C10orf90: variants seen among roughly 807,000 people sequenced by gnomAD.
C10orf90 encodes chromosome 10 open reading frame 90, also known as (E2-independent) E3 ubiquitin-conjugating enzyme FATS.
Under a neutral mutation model 62.5 loss-of-function variants are expected in C10orf90, and 56 were observed. The observed-to-expected ratio is 0.90, with a 90% confidence interval of 0.72 to 1.12. The LOEUF is 1.12. C10orf90 is among the 50% of genes most tolerant of loss of function. The probability of loss-of-function intolerance (pLI) is 0.00; values close to 1 mark genes in which losing one functional copy is unlikely to be tolerated. For synonymous variants in C10orf90, 386 were observed against 340.4 expected (o/e 1.13, Z -1.47); for missense variants, 970 against 880.4 (o/e 1.10, Z -1.29).
chr10:126,593,259 C>T (rs1163018568), intron 2 of C10orf90, among the ~76,000 whole-genome samples: 2 of 152,094 alleles, frequency 1.3e-5, no homozygotes, highest in Non-Finnish European at 2.9e-5. Flanking sequence ...CGGCACTATC[C>T]ACAATAGCAA....
At chr10:126,581,834 TCAGA>T in intron 2 of C10orf90, among the ~76,000 whole-genome samples, 1 of 152,148 alleles carries the variant, frequency 6.6e-6, no homozygotes, top group East Asian at 1.9e-4. Context: ...ATGCCACCAG[TCAGA>T]CAGGCGCCTG....
At chr10:126,451,349 A>G (rs1355743774) in intron 7 of C10orf90, among the ~76,000 whole-genome samples, 1 of 152,182 alleles carries the variant, frequency 6.6e-6, no homozygotes, top group African/African-American at 2.4e-5. Context: ...AAAAGAAATC[A>G]GTATGTTGAC....
At chr10:126,668,339 G>A (rs1157108172) in intron 1 of C10orf90, among the ~76,000 whole-genome samples, 2 of 152,162 alleles carry the variant, frequency 1.3e-5, no homozygotes, top group Admixed American at 6.5e-5. Flanking sequence ...AAAGCCCAGG[G>A]CAGGTTAACC....
chr10:126,450,860 C>G (rs1859134483), intron 7 of C10orf90, among the ~76,000 whole-genome samples: 1 of 152,106 alleles, frequency 6.6e-6, no homozygotes, highest in Non-Finnish European at 1.5e-5. Flanking sequence ...TCACGCTATA[C>G]AGCTTCTACA....
At chr10:126,452,307 C>T (rs1473058125) in intron 7 of C10orf90, among the ~76,000 whole-genome samples, 1 of 152,102 alleles carries the variant, frequency 6.6e-6, no homozygotes, top group Non-Finnish European at 1.5e-5. Flanking sequence ...GAATCACAAC[C>T]TCACCATAAA....
At chr10:126,588,165 G>C (rs145478567) in intron 2 of C10orf90, among the ~76,000 whole-genome samples, 2,029 of 152,318 alleles carry the variant, frequency 0.013, 40 homozygotes, top group African/African-American at 0.045. Flanking sequence ...CGGCTCTGGG[G>C]AGTCCAGGCG....
chr10:126,429,140 A>G (rs1450161522), intron 8 of C10orf90, among the ~76,000 whole-genome samples: 5 of 152,116 alleles, frequency 3.3e-5, no homozygotes, highest in Non-Finnish European at 7.3e-5. Context: ...AATGCTGCTG[A>G]GCTATTATAT....
intron 2 of C10orf90, among the ~76,000 whole-genome samples, chr10:126,599,670 T>C (rs1172901382): frequency 3.3e-5 from 5 of 151,848 alleles, no homozygotes; most frequent in African/African-American, 1.2e-4. Flanking sequence ...GCCTACACAA[T>C]TAAAGGTGGA....
At chr10:126,451,692 A>G (rs987983366) in intron 7 of C10orf90, among the ~76,000 whole-genome samples, 1 of 143,192 alleles carries the variant, frequency 7.0e-6, no homozygotes, top group Non-Finnish European at 1.5e-5. Context: ...CTCATAGTCT[A>G]TTGATATATA....
At chr10:126,449,595 C>T (rs2134062439) in intron 7 of C10orf90, among the ~76,000 whole-genome samples, 1 of 152,128 alleles carries the variant, frequency 6.6e-6, no homozygotes, top group South Asian at 2.1e-4. Flanking sequence ...AGTGAACTCA[C>T]CTCTGCAGAT....
At chr10:126,445,169 G>A (rs541641485) in intron 7 of C10orf90, among the ~76,000 whole-genome samples, 7 of 152,148 alleles carry the variant, frequency 4.6e-5, no homozygotes, top group African/African-American at 1.7e-4. Context: ...CAAATAGTTG[G>A]GACTTAATTA....
intron 1 of C10orf90, among the ~76,000 whole-genome samples, chr10:126,648,174 TA>T (rs959811523): frequency 7.2e-5 from 11 of 151,946 alleles, no homozygotes; most frequent in African/African-American, 2.7e-4. Context: ...GTTTTTTTTT[TA>T]ATCAGGAACA....
intron 2 of C10orf90, among the ~76,000 whole-genome samples, chr10:126,587,390 G>T (rs999894139): frequency 6.6e-6 from 1 of 152,266 alleles, no homozygotes; most frequent in East Asian, 1.9e-4. Flanking sequence ...TGAGGTCAGG[G>T]TGCCCACATT....
chr10:126,573,530 A>G (rs1260673724), intron 2 of C10orf90, among the ~76,000 whole-genome samples: 1 of 152,116 alleles, frequency 6.6e-6, no homozygotes, highest in Non-Finnish European at 1.5e-5. Context: ...AGATCCATGA[A>G]TCCTTCCTCG....
In C10orf90 at chr10:126,500,685, C is replaced by T. The variant is rs180825517; in HGVS notation, c.1534+3272G>A. On this transcript the variant is annotated intron_variant, in intron 4 of 9. Transcript: ENST00000488181. ...CTGAGGAGATGAGCAAAGAGAGAAC[C>T]AATTTCTTAACATTCAGCCTGAGAT... is the stretch of plus-strand genomic sequence containing the variant. Among the ~76,000 whole-genome samples, 23 of 152,182 alleles carry T rather than the reference C, an allele frequency of 1.5e-4. No individual in the cohort carries two copies. The East Asian group carries it at 4.5e-3, about 29-fold the overall frequency.
At chr10:126,573,687 G>C (rs1209210050) in intron 2 of C10orf90, among the ~76,000 whole-genome samples, 1 of 152,200 alleles carries the variant, frequency 6.6e-6, no homozygotes, top group East Asian at 1.9e-4. Context: ...TGTCTCCAAT[G>C]AGAGCATCCC....
chr10:126,573,373 C>T (rs1378370418), intron 2 of C10orf90, among the ~76,000 whole-genome samples: 2 of 152,192 alleles, frequency 1.3e-5, no homozygotes, highest in Non-Finnish European at 2.9e-5. Flanking sequence ...CAAGGTGTGG[C>T]GCCAGGCTGT....
At chr10:126,457,329 A>C (rs977897994) in intron 7 of C10orf90, among the ~76,000 whole-genome samples, 2 of 152,136 alleles carry the variant, frequency 1.3e-5, no homozygotes, top group Non-Finnish European at 2.9e-5. Flanking sequence ...GTGATTTCTC[A>C]CAGCAGCCCT....
chr10:126,442,633 G>GTGTGTGTA (rs1160734939), intron 7 of C10orf90, among the ~76,000 whole-genome samples: 4 of 88,476 alleles, frequency 4.5e-5, no homozygotes, highest in African/African-American at 2.2e-4. Context: ...TTGTGTGTGT[G>GTGTGTGTA]TATATATATA....
Sources: gnomAD v4.1 joint callset for allele counts (sites outside exome capture counted in the v4.1 genomes callset) on GRCh38, gnomAD v4.1.1 for gene constraint, MANE v1.5 for transcripts, NCBI Gene and HGNC (gene_info 2026-07-23, HGNC 2026-07-21) for gene names.